The following CTNNA2 variants were observed in gnomAD, a reference collection of about 807,000 sequenced individuals.
CTNNA2 encodes catenin alpha 2, also known as catenin alpha-2.
A neutral mutation model predicts 101.0 loss-of-function variants in CTNNA2; 42 were observed. That is an observed-to-expected ratio of 0.42 (90% CI 0.32 to 0.54). The LOEUF (loss-of-function observed/expected upper bound fraction) is 0.54. Among genes scored for constraint, CTNNA2 ranks in the 20% least tolerant of loss-of-function variants. The probability of loss-of-function intolerance (pLI) is 0.14; values close to 1 mark genes in which losing one functional copy is unlikely to be tolerated. For synonymous variants in CTNNA2, 450 were observed against 456.4 expected (o/e 0.99, Z 0.18); for missense variants, 871 against 1,223.1 (o/e 0.71, Z 4.29).
intron 3 of CTNNA2, among the ~76,000 whole-genome samples, chr2:79,749,609 A>G (rs1200635709): frequency 6.6e-6 from 1 of 152,208 alleles, no homozygotes; most frequent in Non-Finnish European, 1.5e-5. Context: ...TCCTCTAAGC[A>G]CATGGTAGGT....
chr2:79,613,650 G>A (rs927163342), intron 1 of CTNNA2, among the ~76,000 whole-genome samples: 1 of 152,018 alleles, frequency 6.6e-6, no homozygotes, highest in Non-Finnish European at 1.5e-5. Flanking sequence ...TATTAAGGAT[G>A]TACTAAGTAT....
chr2:79,792,153 C>T (rs1040357878), intron 3 of CTNNA2, among the ~76,000 whole-genome samples: 2 of 152,082 alleles, frequency 1.3e-5, no homozygotes, highest in Non-Finnish European at 2.9e-5. Context: ...GGTATGTTCT[C>T]TGCTTTCTGA....
intron 7 of CTNNA2, among the ~76,000 whole-genome samples, chr2:79,945,488 T>G (rs1688433537): frequency 6.6e-6 from 1 of 152,206 alleles, no homozygotes; most frequent in Admixed American, 6.5e-5. Flanking sequence ...ATATTTCCAT[T>G]ATTTTTCTAT....
intron 7 of CTNNA2, among the ~76,000 whole-genome samples, chr2:80,275,604 T>C (rs2149147593): frequency 6.6e-6 from 1 of 152,256 alleles, no homozygotes; most frequent in East Asian, 1.9e-4. Context: ...AATTAATAAG[T>C]GATGAATTAG....
chr2:80,054,177 C>CGACCTT (rs1242455675), intron 7 of CTNNA2, among the ~76,000 whole-genome samples: 2 of 152,264 alleles, frequency 1.3e-5, no homozygotes, highest in Non-Finnish European at 2.9e-5. Flanking sequence ...TCTGAGGGCC[C>CGACCTT]GACCTTGCTG....
chr2:80,492,288 A>G (rs1687125126), intron 9 of CTNNA2, among the ~76,000 whole-genome samples: 1 of 152,142 alleles, frequency 6.6e-6, no homozygotes, highest in Admixed American at 6.5e-5. Flanking sequence ...CGTCATGACT[A>G]TAAGTTTCCT....
intron 9 of CTNNA2, among the ~76,000 whole-genome samples, chr2:80,522,150 G>A (rs769908313): frequency 6.6e-6 from 1 of 152,186 alleles, no homozygotes. Context: ...CAAAGGTCAT[G>A]TCCAAAGTCC....
intron 1 of CTNNA2, among the ~76,000 whole-genome samples, chr2:79,524,480 G>T (rs992621166): frequency 6.6e-6 from 1 of 151,040 alleles, no homozygotes; most frequent in East Asian, 1.9e-4. Flanking sequence ...GTTTTTCTTA[G>T]CAATTTGTAT....
In CTNNA2 at chr2:80,569,864, G is replaced by A. The variant is rs546055317; in HGVS notation, c.1742-4299G>A. ...TCACTGTGTTACCCAGGATGGTCTC[G>A]ATCTCCTGACCTCGTGATCCACCCT... On this transcript the variant is annotated intron_variant, in intron 12 of 18. Coordinates refer to ENST00000402739, the MANE Select transcript of CTNNA2 (RefSeq NM_001282597.3). 5.9e-5 allele frequency among the ~76,000 whole-genome samples: 9 copies of A among 151,438 alleles called. 2 individuals are homozygous for A. The highest frequency in any genetic ancestry group is 1.7e-4 in the African/African-American group (7 of 41,342).
At chr2:79,451,504 G>A (rs1670747660) in intron 4 of CTNNA2, among the ~76,000 whole-genome samples, 1 of 151,952 alleles carries the variant, frequency 6.6e-6, no homozygotes, top group Non-Finnish European at 1.5e-5. Flanking sequence ...ATATGGTCAA[G>A]AGGTTAGTAA....
intron 7 of CTNNA2, among the ~76,000 whole-genome samples, chr2:79,941,679 C>T (rs1343945567): frequency 1.3e-5 from 2 of 151,998 alleles, no homozygotes; most frequent in Non-Finnish European, 2.9e-5. Flanking sequence ...AGTGCAGTGA[C>T]AAGATCTCGG....
chr2:80,329,356 A>C (rs1395161509), intron 7 of CTNNA2, among the ~76,000 whole-genome samples: 1 of 152,240 alleles, frequency 6.6e-6, no homozygotes, highest in Non-Finnish European at 1.5e-5. Context: ...ATGTAGAAGT[A>C]AATGAAACAG....
At chr2:79,198,218 A>G (rs905598342) in intron 2 of CTNNA2, 3 of 152,240 alleles carry the variant, frequency 2.0e-5, no homozygotes, top group African/African-American at 7.2e-5. Context: ...AAAACGATGT[A>G]GAAGGATATA....
intron 7 of CTNNA2, among the ~76,000 whole-genome samples, chr2:79,944,783 G>C (rs182857566): frequency 2.5e-4 from 38 of 152,230 alleles, no homozygotes; most frequent in Non-Finnish European, 5.1e-4. Flanking sequence ...TCAATAAGTA[G>C]AGAAGGAGAA....
intron 7 of CTNNA2, among the ~76,000 whole-genome samples, chr2:80,242,392 CA>C (rs1389727521): frequency 1.3e-5 from 2 of 152,230 alleles, no homozygotes; most frequent in Non-Finnish European, 2.9e-5. Context: ...ACAACCCACA[CA>C]GCACTCAGGG....
chr2:79,652,887 T>C (rs979906821), intron 2 of CTNNA2, among the ~76,000 whole-genome samples: 1 of 152,178 alleles, frequency 6.6e-6, no homozygotes, highest in African/African-American at 2.4e-5. Context: ...CATCTAAATT[T>C]CATCAGCTTA....
intron 3 of CTNNA2, among the ~76,000 whole-genome samples, chr2:79,348,559 C>T (rs1388485841): frequency 6.6e-6 from 1 of 152,148 alleles, no homozygotes; most frequent in East Asian, 1.9e-4. Context: ...ATGCTCTCGC[C>T]AATTCTCTCA....
At chr2:79,334,981 T>A (rs1325836340) in intron 3 of CTNNA2, among the ~76,000 whole-genome samples, 1 of 152,200 alleles carries the variant, frequency 6.6e-6, no homozygotes, top group East Asian at 1.9e-4. Context: ...TCTTTAGAAT[T>A]TACTGCCCTC....
intron 9 of CTNNA2, among the ~76,000 whole-genome samples, chr2:80,468,459 C>A (rs1685034451): frequency 6.6e-6 from 1 of 152,088 alleles, no homozygotes; most frequent in African/African-American, 2.4e-5. Flanking sequence ...GGCTCTGTCA[C>A]CCAGGCTAGA....
Sources: gnomAD v4.1 joint callset for allele counts (sites outside exome capture counted in the v4.1 genomes callset) on GRCh38, gnomAD v4.1.1 for gene constraint, MANE v1.5 for transcripts, NCBI Gene and HGNC (gene_info 2026-07-23, HGNC 2026-07-21) for gene names.